Variants in SHLD2 observed in about 807,000 individuals in gnomAD.
SHLD2 encodes the protein RINN1-REV7-interacting novel NHEJ regulator 2.
Under a neutral mutation model 73.2 loss-of-function variants are expected in SHLD2, and 30 were observed. The observed-to-expected ratio is 0.41, with a 90% CI of 0.31 to 0.56. SHLD2 has a LOEUF of 0.56. Ranked by LOEUF, SHLD2 falls within the 20% of genes least tolerant of loss-of-function variation. The probability of loss-of-function intolerance (pLI) is 0.28; values close to 1 mark genes in which losing one functional copy is unlikely to be tolerated. For synonymous variants in SHLD2, 285 were observed against 370.1 expected, an observed-to-expected ratio of 0.77 and a Z score of 2.64; for missense variants, 745 against 1,055.9, an observed-to-expected ratio of 0.71 and a Z score of 4.08.
chr10:87,103,942 T>C (rs1160698605), intron 2 of SHLD2, among the ~76,000 whole-genome samples: 2 of 152,122 alleles, frequency 1.3e-5, no homozygotes, highest in African/African-American at 2.4e-5. Flanking sequence ...TCTTAAAAAT[T>C]CACTGTGCTG....
intron 2 of SHLD2, among the ~76,000 whole-genome samples, chr10:87,131,536 C>T (rs992280329): frequency 2.7e-4 from 41 of 152,048 alleles, no homozygotes; most frequent in Non-Finnish European, 3.2e-4. Context: ...TAGCATAGAT[C>T]ACTGCTTCCT....
intron 2 of SHLD2, among the ~76,000 whole-genome samples, chr10:87,149,968 T>C (rs546337666): frequency 7.9e-5 from 12 of 152,220 alleles, no homozygotes; most frequent in African/African-American, 2.6e-4. Flanking sequence ...CAAGCTGGCC[T>C]CGAACTCCTG....
rs117866241 is a variant in SHLD2, at chr10:87,151,570, T to C, written c.216T>C (p.Asp72=). ...TCCCAGAATCTATTGGTTCTCCAGA[T>C]CTTAGTGGTCATTTCTTAGCAAACT... ...YKVPESIGSP[D]LSGHFLANCM... The change falls in exon 3 of 10, where the codon GAT becomes GAC. Residue 72 remains aspartate (D), a synonymous_variant. Coordinates refer to ENST00000298786, the MANE Select transcript of SHLD2 (RefSeq NM_001330112.2). The C allele has an allele frequency of 2.0e-4, 315 of 1,611,666 alleles. 2 individuals carry two copies. In the East Asian group the frequency reaches 6.5e-3, roughly 33 times the overall value.
chr10:87,095,792 G>A (rs920519890), intron 1 of SHLD2, among the ~76,000 whole-genome samples: 6 of 152,184 alleles, frequency 3.9e-5, no homozygotes, highest in Admixed American at 1.3e-4. Flanking sequence ...CCGGCCCGGC[G>A]CGGTGGCTCA....
upstream of SHLD2, chr10:87,094,801 C>A (rs1841689005): frequency 4.0e-6 from 6 of 1,502,374 alleles, no homozygotes; most frequent in South Asian, 2.4e-5. The surrounding 1 kb of genome is among the most constrained non-coding windows in gnomAD (Gnocchi z 6.6). Flanking sequence ...GCGTGATGGT[C>A]GCGAAACAGG....
intron 4 of SHLD2, among the ~76,000 whole-genome samples, chr10:87,159,786 T>C (rs538807591): frequency 2.0e-5 from 3 of 152,262 alleles, no homozygotes; most frequent in South Asian, 4.1e-4. Flanking sequence ...GTAGCCTTTA[T>C]TGGGAAAGAC....
At chr10:87,113,774 G>A (rs1843075202) in intron 2 of SHLD2, among the ~76,000 whole-genome samples, 1 of 152,196 alleles carries the variant, frequency 6.6e-6, no homozygotes, top group Non-Finnish European at 1.5e-5. Flanking sequence ...GGGAGGCCGA[G>A]GCGAGTGGAT....
At chr10:87,137,298 AAAGAACC>A (rs1844863226) in intron 2 of SHLD2, among the ~76,000 whole-genome samples, 1 of 152,162 alleles carries the variant, frequency 6.6e-6, no homozygotes, top group African/African-American at 2.4e-5. Flanking sequence ...AAATTATGCC[AAAGAACC>A]AAGTTGAAAT....
At chr10:87,172,169 T>C (rs899272438) in intron 6 of SHLD2, among the ~76,000 whole-genome samples, 1 of 152,232 alleles carries the variant, frequency 6.6e-6, no homozygotes, top group Non-Finnish European at 1.5e-5. Flanking sequence ...GCCCCCCTTA[T>C]TTATAACCAT....
chr10:87,156,895 C>G (rs1165114536), intron 3 of SHLD2, among the ~76,000 whole-genome samples: 1 of 152,132 alleles, frequency 6.6e-6, no homozygotes, highest in Non-Finnish European at 1.5e-5. Flanking sequence ...CTCATTAATG[C>G]TCTGATGAAT....
At chr10:87,146,662 ACAATTCTCCTTCTTC>A (rs1845633001) in intron 2 of SHLD2, among the ~76,000 whole-genome samples, 1 of 151,818 alleles carries the variant, frequency 6.6e-6, no homozygotes, top group African/African-American at 2.4e-5. Flanking sequence ...GTGGCCCAAG[ACAATTCTCCTTCTTC>A]CATTGTGGCC....
chr10:87,159,855 A>G (rs1846683609), intron 4 of SHLD2, among the ~76,000 whole-genome samples: 1 of 152,174 alleles, frequency 6.6e-6, no homozygotes. Flanking sequence ...TAAGTTTTAG[A>G]TATCTTTGAG....
intron 2 of SHLD2, among the ~76,000 whole-genome samples, chr10:87,140,791 A>G (rs1247381337): frequency 6.6e-6 from 1 of 151,670 alleles, no homozygotes; most frequent in Non-Finnish European, 1.5e-5. Flanking sequence ...TGATACCCCT[A>G]TCTTTACAAA....
At chr10:87,184,360 T>C (rs1406341375) in intron 8 of SHLD2, among the ~76,000 whole-genome samples, 1 of 151,994 alleles carries the variant, frequency 6.6e-6, no homozygotes. Context: ...TCTCATTATG[T>C]ACCATATCCC....
rs191890240 is a variant in SHLD2, at chr10:87,100,725, G to A, written c.-6+3736G>A. Among the ~76,000 whole-genome samples, 605 of 152,196 alleles carry A rather than the reference G, an allele frequency of 4.0e-3. 3 individuals are homozygous for A. The highest frequency in any genetic ancestry group is 0.014 in the African/African-American group (589 of 41,520). Reference sequence around the variant, plus strand: ...ACTCCTTGACCCAGGTGATCCGCCCGCCTCGGCCTCCCAAAGTGCTGGGAT... The same window carrying A: ...ACTCCTTGACCCAGGTGATCCGCCCACCTCGGCCTCCCAAAGTGCTGGGAT... On this transcript the variant is annotated intron_variant, in intron 2 of 9. Coordinates refer to ENST00000298786, the MANE Select transcript of SHLD2 (RefSeq NM_001330112.2).
intron 4 of SHLD2, among the ~76,000 whole-genome samples, chr10:87,161,507 A>G (rs1016204644): frequency 6.6e-5 from 10 of 152,192 alleles, no homozygotes; most frequent in African/African-American, 2.2e-4. Context: ...GGGCATAATG[A>G]TAGTGAAAAA....
At chr10:87,153,271 G>T in intron 3 of SHLD2, among the ~76,000 whole-genome samples, 1 of 152,074 alleles carries the variant, frequency 6.6e-6, no homozygotes, top group African/African-American at 2.4e-5. Flanking sequence ...ATAAATTAAG[G>T]TTTGCGTGCC....
At chr10:87,155,838 G>A (rs997588033) in intron 3 of SHLD2, among the ~76,000 whole-genome samples, 1 of 151,884 alleles carries the variant, frequency 6.6e-6, no homozygotes, top group African/African-American at 2.4e-5. Context: ...ACATTTAGAT[G>A]ATTTCTATGA....
intron 2 of SHLD2, among the ~76,000 whole-genome samples, chr10:87,147,839 C>T (rs1845730123): frequency 1.3e-5 from 2 of 151,974 alleles, no homozygotes; most frequent in Admixed American, 6.6e-5. Context: ...GTTGCTGTCC[C>T]TTCCTTTTAA....
Sources: allele counts gnomAD v4.1 joint callset (sites outside exome capture counted in the v4.1 genomes callset), GRCh38; gene constraint gnomAD v4.1.1; non-coding constraint Gnocchi (gnomAD v3.1); transcripts MANE v1.5; gene names NCBI Gene and HGNC (gene_info 2026-07-23, HGNC 2026-07-21).